AHR: variants seen among roughly 807,000 people sequenced by gnomAD.
The protein encoded by AHR is aryl hydrocarbon receptor, also known as AH-receptor.
In AHR, 40 loss-of-function variants were observed where a neutral mutation model predicts 86.8. The observed-to-expected ratio is 0.46, with a 90% confidence interval of 0.36 to 0.60. The LOEUF (loss-of-function observed/expected upper bound fraction) is 0.60. AHR is among the 20% of genes least tolerant of loss of function. The pLI is 0.00. For missense variants in AHR, 1,001 were observed against 1,011.6 expected, an observed-to-expected ratio of 0.99 and a Z score of 0.14; for synonymous variants, 398 against 354.9, an observed-to-expected ratio of 1.12 and a Z score of -1.37.
chr7:17,334,083 C>T lies in AHR; in HGVS notation c.877C>T (p.Leu293=). 6.2e-7 allele frequency: 1 copy of T among 1,613,342 alleles called. No homozygotes were observed. Among genetic ancestry groups the T allele is most frequent in the African/African-American group, 1.3e-5 (1 of 75,032 alleles). ...KNFIFRTKHK[L]DFTPIGCDAK... is the part of the protein sequence containing the mutation. ...TTTTATCTTTAGAACCAAACACAAA[C>T]TAGACTTCACACCTATTGGTTGTGA... The change falls in exon 7 of 11, where the codon CTA becomes TTA. Residue 293 remains leucine (L), a synonymous_variant. Coordinates refer to ENST00000242057, the MANE Select transcript of AHR (RefSeq NM_001621.5).
chr7:17,323,835 C>T (rs1782198709), intron 3 of AHR, among the ~76,000 whole-genome samples: 1 of 152,046 alleles, frequency 6.6e-6, no homozygotes, highest in Non-Finnish European at 1.5e-5. Flanking sequence ...ATATGTAAAC[C>T]CAAACATAAA....
rs1470466814 is a variant in AHR, at chr7:17,343,803, T to C, written c.*739T>C. 5 of 152,700 alleles carry C rather than the reference T, an allele frequency of 3.3e-5. 1 individual carries two copies. The South Asian group carries it at 1.0e-3, about 32-fold the overall frequency. The allele number at this position is 152,700 out of a possible 1,614,324, so 9.5% of individuals were successfully genotyped here. A position where few individuals can be genotyped will look rare whatever the true frequency, so the allele number is the denominator to read the frequency against. On this transcript the variant is annotated 3_prime_UTR_variant, in exon 11 of 11. Coordinates refer to ENST00000242057, the MANE Select transcript of AHR (RefSeq NM_001621.5). Reference sequence around the variant, plus strand: ...TCTTCAGGTAAAGGGCAAATAATGATCGAAAAAATAATTATTTATTACATA... The same window carrying C: ...TCTTCAGGTAAAGGGCAAATAATGACCGAAAAAATAATTATTTATTACATA...
intron 1 of AHR, among the ~76,000 whole-genome samples, chr7:17,307,327 T>C (rs1203367154): frequency 2.0e-5 from 3 of 152,116 alleles, no homozygotes; most frequent in Non-Finnish European, 4.4e-5. Context: ...TGAAGTTGTT[T>C]GTATGGAATA....
chr7:17,307,672 A>G (rs985325937), intron 1 of AHR, among the ~76,000 whole-genome samples: 2 of 152,156 alleles, frequency 1.3e-5, no homozygotes, highest in African/African-American at 4.8e-5. Flanking sequence ...AAGGAGTTTA[A>G]TCAGAGGAGT....
intron 4 of AHR, among the ~76,000 whole-genome samples, chr7:17,329,284 G>C (rs1259583053): frequency 6.6e-6 from 1 of 151,878 alleles, no homozygotes; most frequent in East Asian, 1.9e-4. Flanking sequence ...TGTAATAATG[G>C]TAAGTGTTTT....
At chr7:17,327,945 A>G (rs1348082743) in intron 4 of AHR, 97 bp downstream of exon 4, 2 of 380,180 alleles carry the variant, frequency 5.3e-6, no homozygotes, top group Admixed American at 9.5e-5. Flanking sequence ...TAAAGTATCA[A>G]TATATGCTGT....
At position 17,298,924 on chromosome 7, in the gene AHR, C is replaced by T. The variant is rs1393905197; in HGVS notation, c.-341C>T. On this transcript the variant is annotated 5_prime_UTR_variant, in exon 1 of 11. Coordinates refer to ENST00000242057, the MANE Select transcript of AHR (RefSeq NM_001621.5). Reference sequence around the variant, plus strand: ...CAGGATTCTAAATAGACGGCCCAGGCTCCTCCTCCGCCCGGGCCGCCTCAC... The same window carrying T: ...CAGGATTCTAAATAGACGGCCCAGGTTCCTCCTCCGCCCGGGCCGCCTCAC... 1 of 433,234 alleles carries T rather than the reference C, an allele frequency of 2.3e-6. No homozygotes were observed. The highest frequency in any genetic ancestry group is 4.0e-6 in the Non-Finnish European group (1 of 248,468). The allele number at this position is 433,234 out of a possible 1,614,324, so 26.8% of individuals were successfully genotyped here. A position where few individuals can be genotyped will look rare whatever the true frequency, so the allele number is the denominator to read the frequency against.
rs924664395 is a variant in AHR, at chr7:17,345,817, T to G, written c.*2753T>G. On this transcript the variant is annotated 3_prime_UTR_variant, in exon 11 of 11. Coordinates refer to ENST00000242057, the MANE Select transcript of AHR (RefSeq NM_001621.5). The stretch of plus-strand genomic sequence containing the variant: ...TAAGTGCCAAACAAAGGATACTTAG[T>G]GCACTGCTACATTGTGGGATTTATT... 4 of 152,758 alleles carry G rather than the reference T, an allele frequency of 2.6e-5. No homozygotes were observed. The highest frequency in any genetic ancestry group is 7.2e-5 in the African/African-American group (3 of 41,438). The allele number at this position is 152,758 out of a possible 1,614,324, so 9.5% of individuals were successfully genotyped here. A position where few individuals can be genotyped will look rare whatever the true frequency, so the allele number is the denominator to read the frequency against.
intron 3 of AHR, among the ~76,000 whole-genome samples, chr7:17,323,480 T>C (rs1782195274): frequency 6.6e-6 from 1 of 152,154 alleles, no homozygotes. Flanking sequence ...TTTTTAGAAT[T>C]GATGCCATGA....
At chr7:17,315,905 T>A (rs1782110754) in intron 2 of AHR, among the ~76,000 whole-genome samples, 2 of 152,108 alleles carry the variant, frequency 1.3e-5, no homozygotes, top group Non-Finnish European at 2.9e-5. Context: ...GGCTGGAGAT[T>A]TAGATTTTAG....
At chr7:17,310,680 GC>G (rs1336055931) in intron 2 of AHR, among the ~76,000 whole-genome samples, 3 of 151,622 alleles carry the variant, frequency 2.0e-5, no homozygotes, top group Non-Finnish European at 4.4e-5. Flanking sequence ...GATTATAGGC[GC>G]CCACCACCAC....
At position 17,342,923 on chromosome 7, in the gene AHR, T is replaced by C; in HGVS notation, c.2406T>C (p.Phe802=). The C allele has an allele frequency of 6.2e-7, 1 of 1,611,608 alleles. No homozygotes were observed. The highest frequency in any genetic ancestry group is 2.2e-5 in the East Asian group (1 of 44,788). ...TGCATCACCATTTTTGTTTTCAGTT[T>C]CAGAATGGAGTTTTAAATGAAACAT... ...LPGQQAFLNK[F]QNGVLNETYP... Residue 802 remains phenylalanine (F), a splice_region_variant and synonymous_variant, in exon 11 of 11, where the codon TTT becomes TTC. Coordinates refer to ENST00000242057, the MANE Select transcript of AHR (RefSeq NM_001621.5).
In AHR at chr7:17,344,969, A is replaced by G. The variant is rs184270935; in HGVS notation, c.*1905A>G. 2 of 151,296 alleles carry G rather than the reference A, an allele frequency of 1.3e-5. No individual in the cohort carries two copies. The highest frequency in any genetic ancestry group is 6.6e-5 in the Admixed American group (1 of 15,222). The allele number at this position is 151,296 out of a possible 1,614,324, so 9.4% of individuals were successfully genotyped here. On this transcript the variant is annotated 3_prime_UTR_variant, in exon 11 of 11. Transcript: ENST00000242057. ...TATGAGAGCTGAAGAGCTTAGACAC[A>G]TTTTGCATGTATTATTTGAAAATCT... is the stretch of plus-strand genomic sequence containing the variant.
chr7:17,302,958 C>T (rs927666112), intron 1 of AHR, among the ~76,000 whole-genome samples: 3 of 151,952 alleles, frequency 2.0e-5, no homozygotes, highest in South Asian at 2.1e-4. Flanking sequence ...TTCTCAATTA[C>T]GGCTACGGCT....
At chr7:17,330,928 A>G (rs1422875686) in intron 6 of AHR, 42 bp downstream of exon 6, 5 of 1,587,312 alleles carry the variant, frequency 3.1e-6, no homozygotes, top group Middle Eastern at 3.6e-4. Flanking sequence ...TACTATTGTT[A>G]CAATAAAAGC....
At chr7:17,317,238 A>G (rs941806266) in intron 2 of AHR, among the ~76,000 whole-genome samples, 1 of 151,628 alleles carries the variant, frequency 6.6e-6, no homozygotes, top group African/African-American at 2.4e-5. Flanking sequence ...TTTGTTAATA[A>G]ACTGTTTTTC....
intron 9 of AHR, among the ~76,000 whole-genome samples, chr7:17,338,530 T>G (rs1490348820): frequency 6.6e-6 from 1 of 151,970 alleles, no homozygotes; most frequent in Non-Finnish European, 1.5e-5. Context: ...TAGTTTTTAT[T>G]TTTTTGTAGA....
intron 3 of AHR, among the ~76,000 whole-genome samples, chr7:17,323,632 C>A (rs149512339): frequency 6.6e-6 from 1 of 152,126 alleles, no homozygotes; most frequent in Non-Finnish European, 1.5e-5. Context: ...ACCATTGTTA[C>A]AAAAAGTAAC....
At chr7:17,300,699 T>C (rs575999727) in intron 1 of AHR, among the ~76,000 whole-genome samples, 1 of 152,292 alleles carries the variant, frequency 6.6e-6, no homozygotes, top group South Asian at 2.1e-4. Context: ...TTTTGTAGAA[T>C]GGTTTCTTAT....
Sources: allele counts gnomAD v4.1 joint callset (sites outside exome capture counted in the v4.1 genomes callset), GRCh38; gene constraint gnomAD v4.1.1; transcripts MANE v1.5; gene names NCBI Gene and HGNC (gene_info 2026-07-23, HGNC 2026-07-21).